The following FXYD3 variants were observed in gnomAD, a reference collection of about 807,000 sequenced individuals.
FXYD3 encodes the protein FXYD domain containing ion transport regulator 3.
A neutral mutation model predicts 19.2 loss-of-function variants in FXYD3; 13 were observed. That is an observed-to-expected ratio of 0.68 (90% CI 0.44 to 1.08). The LOEUF (loss-of-function observed/expected upper bound fraction) is 1.08. FXYD3 is among the 50% of genes least tolerant of loss of function. FXYD3 has a pLI of 0.00. For missense variants in FXYD3, 101 were observed against 109.4 expected, an observed-to-expected ratio of 0.92 and a Z score of 0.34; for synonymous variants, 48 against 38.9, an observed-to-expected ratio of 1.23 and a Z score of -0.87.
chr19:35,123,630 A>T lies in FXYD3; in HGVS notation c.*173A>T, dbSNP rs4835. ...AGGGTCTCTTTGTTCAATTTTTTTT[A>T]ATCTAAAATGATTGTGCCTCTGCCC... On this transcript the variant is annotated 3_prime_UTR_variant, in exon 9 of 9. Coordinates refer to ENST00000604404, the MANE Select transcript of FXYD3 (RefSeq NM_005971.4). 0.36 allele frequency: 238,104 copies of T among 663,240 alleles called. 44,917 individuals carry two copies. The highest frequency in any genetic ancestry group is 0.55 in the South Asian group (28,880 of 52,432). 41.1% of individuals were successfully genotyped at this position (663,240 alleles called of 1,614,324 possible). A position where few individuals can be genotyped will look rare whatever the true frequency, so the allele number is the denominator to read the frequency against.
At position 35,122,800 on chromosome 19, in the gene FXYD3, G is replaced by A. The variant is rs141515880; in HGVS notation, c.133G>A (p.Ala45Thr). 855 of 1,613,924 alleles carry A rather than the reference G, an allele frequency of 5.3e-4. 2 individuals are homozygous for A. The African/African-American group carries it at 6.0e-3, about 11-fold the overall frequency. Residue 45 changes from alanine to threonine, a missense_variant, in exon 6 of 9, where the codon GCT becomes ACT. Physicochemically the swap from Ala to Thr is moderately conservative, Grantham distance 58. Coordinates refer to ENST00000604404, the MANE Select transcript of FXYD3 (RefSeq NM_005971.4). ...HSLQVGGLIC[A>T]GVLCAMGIII... ...CCTCCAGGTTGGCGGGCTCATCTGC[G>A]CTGGGGTTCTGTGCGCCATGGGCAT... is the stretch of plus-strand genomic sequence containing the variant.
chr19:35,118,440 C>A, intron 2 of FXYD3: 1 of 987,618 alleles, frequency 1.0e-6, no homozygotes, highest in Non-Finnish European at 1.2e-6. Flanking sequence ...CAGGGGAGGG[C>A]ATGCTCGGAG....
chr19:35,121,511 T>A lies in FXYD3; in HGVS notation c.97+266T>A, dbSNP rs1004814455. On this transcript the variant is annotated intron_variant, in intron 5 of 8. Coordinates refer to ENST00000604404, the MANE Select transcript of FXYD3 (RefSeq NM_005971.4). ...AAGCCATTGGTTGGTTCAGATCAAC[T>A]GCTGGGAGAAGTGTTGACTTGAGAA... The A allele has an allele frequency of 3.5e-6, 5 of 1,424,078 alleles. No individual in the cohort carries two copies. In the African/African-American group the frequency reaches 7.2e-5, roughly 21 times the overall value. The allele number at this position is 1,424,078 out of a possible 1,614,324, so 88.2% of individuals were successfully genotyped here. A position where few individuals can be genotyped will look rare whatever the true frequency, so the allele number is the denominator to read the frequency against.
chr19:35,120,138 C>CT (rs1356518274), intron 3 of FXYD3, among the ~76,000 whole-genome samples: 5 of 127,022 alleles, frequency 3.9e-5, no homozygotes, highest in Non-Finnish European at 8.9e-5. Context: ...TCCCTTTTTT[C>CT]TTTTCTTTTT....
intron 2 of FXYD3, among the ~76,000 whole-genome samples, chr19:35,118,949 C>A (rs2064968032): frequency 6.6e-6 from 1 of 152,336 alleles, no homozygotes; most frequent in Admixed American, 6.5e-5. Context: ...ACCCCAAGGC[C>A]CTGACAGTCC....
At chr19:35,121,674 GCAGA>G in intron 5 of FXYD3, 1 of 438,346 alleles carries the variant, frequency 2.3e-6, no homozygotes, top group South Asian at 5.3e-5. Flanking sequence ...CTCAGACACA[GCAGA>G]CATACTGCCA....
At chr19:35,119,323 G>T (rs8113168) in intron 2 of FXYD3, 40 bp from the exon 3 acceptor site, 2 of 1,610,822 alleles carry the variant, frequency 1.2e-6, no homozygotes, top group Non-Finnish European at 8.5e-7. Context: ...CCAGCCTCCC[G>T]GTGGCTCTGC....
intron 2 of FXYD3, chr19:35,117,373 T>A: frequency 6.7e-7 from 1 of 1,496,364 alleles, no homozygotes; most frequent in East Asian, 2.7e-5. Flanking sequence ...GAAAGAGGCT[T>A]AAGAGGTGAG....
chr19:35,118,498 T>G lies in FXYD3; in HGVS notation c.-14-865T>G, dbSNP rs1014929473. On this transcript the variant is annotated intron_variant, in intron 2 of 8. Coordinates refer to ENST00000604404, the MANE Select transcript of FXYD3 (RefSeq NM_005971.4). ...CAGGCTGGTGAGAGGGCAGGACTGA[T>G]GCCAGGTCAGGAAGGAGAGAGAAAC... The G allele has an allele frequency of 5.1e-6, 5 of 988,890 alleles. No individual in the cohort carries two copies. The Admixed American group carries it at 1.8e-4, about 36-fold the overall frequency. 61.3% of individuals were successfully genotyped at this position (988,890 alleles called of 1,614,324 possible). A position where few individuals can be genotyped will look rare whatever the true frequency, so the allele number is the denominator to read the frequency against.
chr19:35,117,164 T>C, intron 2 of FXYD3: 3 of 1,371,368 alleles, frequency 2.2e-6, no homozygotes, highest in Non-Finnish European at 2.8e-6. Context: ...CACAGCCTCT[T>C]CAGACAACAG....
chr19:35,122,725 A>G (rs746387261), intron 5 of FXYD3, 40 bp from the exon 6 acceptor site: 3 of 1,514,230 alleles, frequency 2.0e-6, no homozygotes, highest in Non-Finnish European at 2.7e-6. Flanking sequence ...GATGGAGAGG[A>G]CACAGGCTGG....
At chr19:35,116,979 C>T (rs1370229040) in intron 2 of FXYD3, 7 of 985,156 alleles carry the variant, frequency 7.1e-6, no homozygotes, top group Non-Finnish European at 8.4e-6. Flanking sequence ...TGAGACCATT[C>T]TCCCATGGTA....
Position 35,122,798 on chromosome 19 carries a change from G to C in FXYD3, c.131G>C (p.Cys44Ser). 1.9e-6 allele frequency: 3 copies of C among 1,613,954 alleles called. No individual in the cohort carries two copies. In the South Asian group the frequency reaches 3.3e-5, roughly 18 times the overall value. ...WHSLQVGGLI[C>S]AGVLCAMGII... ...AGCCTCCAGGTTGGCGGGCTCATCT[G>C]CGCTGGGGTTCTGTGCGCCATGGGC... The change falls in exon 6 of 9, where the codon TGC becomes TCC. Residue 44 changes from cysteine (C) to serine (S), a missense_variant. Cys to Ser is a moderately radical substitution (Grantham distance 112). Transcript: ENST00000604404.
intron 3 of FXYD3, chr19:35,119,658 T>TTG (rs2064992954): frequency 5.5e-5 from 28 of 510,612 alleles, no homozygotes; most frequent in Admixed American, 3.7e-4. Context: ...TTTTTGGCTT[T>TTG]TTTTGTTTTT....
chr19:35,119,584 G>A (rs2064988430), intron 3 of FXYD3, 168 bp downstream of exon 3: 20 of 610,412 alleles, frequency 3.3e-5, no homozygotes, highest in Non-Finnish European at 2.6e-5. Context: ...GGGGATACAC[G>A]AGAAGAGCTG....
chr19:35,122,953 G>T lies in FXYD3; in HGVS notation c.208G>T (p.Gly70Cys). Residue 70 changes from glycine (G) to cysteine (C), a missense_variant and splice_region_variant, in exon 7 of 9, where the codon GGT becomes TGT. By Grantham distance (159) the Gly-to-Cys change is radical. Coordinates refer to ENST00000604404, the MANE Select transcript of FXYD3 (RefSeq NM_005971.4). ...KCKCKFGQKS[G>C]HHPGETPPLI... is the part of the protein sequence containing the mutation. Reference sequence around the variant, plus strand: ...CAAATGCAAGTTTGGCCAGAAGTCCGGGTAAGATACTGTTCCGGCATGCCC... The same window carrying T: ...CAAATGCAAGTTTGGCCAGAAGTCCTGGTAAGATACTGTTCCGGCATGCCC... 6.3e-7 allele frequency: 1 copy of T among 1,594,558 alleles called. No individual in the cohort carries two copies. The highest frequency in any genetic ancestry group is 8.6e-7 in the Non-Finnish European group (1 of 1,169,354).
intron 3 of FXYD3, among the ~76,000 whole-genome samples, chr19:35,120,213 C>A (rs2065010213): frequency 6.6e-6 from 1 of 151,330 alleles, no homozygotes; most frequent in African/African-American, 2.4e-5. Context: ...GATCTCGGCT[C>A]ACTGCAACCT....
chr19:35,121,597 G>T (rs2065045166), intron 5 of FXYD3: 2 of 1,311,250 alleles, frequency 1.5e-6, no homozygotes, highest in Non-Finnish European at 2.0e-6. Context: ...AGGTTCCAAT[G>T]ACCTGCTCCC....
chr19:35,122,884 T>C (rs766266212), intron 6 of FXYD3, 34 bp from the exon 7 acceptor site: 28 of 1,613,490 alleles, frequency 1.7e-5, no homozygotes, highest in Non-Finnish European at 2.3e-5. Context: ...GGGCTGGGGC[T>C]CCCCTCCCCT....
Sources: gnomAD v4.1 joint callset for allele counts (sites outside exome capture counted in the v4.1 genomes callset) on GRCh38, gnomAD v4.1.1 for gene constraint, MANE v1.5 for transcripts, NCBI Gene and HGNC (gene_info 2026-07-23, HGNC 2026-07-21) for gene names.